KIF1B: variants seen among roughly 807,000 people sequenced by gnomAD.
The protein encoded by KIF1B is kinesin family member 1B, also known as kinesin-like protein KIF1B.
KIF1B carries 76 observed loss-of-function variants against 241.9 expected under a neutral mutation model. The observed-to-expected ratio is 0.31, with a 90% confidence interval of 0.26 to 0.38. The LOEUF (loss-of-function observed/expected upper bound fraction) is 0.38, where lower values mean the gene tolerates loss of function less well. KIF1B is among the 10% of genes least tolerant of loss of function. The probability of loss-of-function intolerance (pLI) is 1.00; values close to 1 mark genes in which losing one functional copy is unlikely to be tolerated. For missense variants in KIF1B, 1,622 were observed against 2,271.4 expected (o/e 0.71, Z 5.81); for synonymous variants, 750 against 796.7 (o/e 0.94, Z 0.99).
In KIF1B at chr1:10,368,415, C is replaced by T. The variant is rs1569915826; in HGVS notation, c.4753-52C>T. On this transcript the variant is annotated intron_variant, in intron 43 of 48. Coordinates refer to ENST00000676179, the MANE Select transcript of KIF1B (RefSeq NM_001365951.3). ...CCACGTGGTCAGCTATCCCAAGGCT[C>T]CTGGCTGTTGACATTTTATGTTCAG... 7.9e-6 allele frequency: 12 copies of T among 1,518,994 alleles called. No homozygotes were observed. The East Asian group carries it at 2.7e-4, about 34-fold the overall frequency. 94.1% of individuals were successfully genotyped at this position (1,518,994 alleles called of 1,614,324 possible). A position where few individuals can be genotyped will look rare whatever the true frequency, so the allele number is the denominator to read the frequency against.
intron 22 of KIF1B, chr1:10,304,920 T>A (rs746573934): frequency 9.9e-6 from 13 of 1,308,158 alleles, no homozygotes; most frequent in Non-Finnish European, 1.3e-5. Flanking sequence ...ATTAATATAC[T>A]TACTTACACA....
At chr1:10,356,108 C>T (rs1435963458) in intron 38 of KIF1B, among the ~76,000 whole-genome samples, 4 of 152,192 alleles carry the variant, frequency 2.6e-5, no homozygotes, top group Admixed American at 2.6e-4. Flanking sequence ...TGGCTCACAC[C>T]TGTAATCCCA....
rs1414554561 is a variant in KIF1B at position 10,321,709 on chromosome 1, T to A, written c.2210T>A (p.Val737Asp). The A allele has an allele frequency of 6.2e-7, 1 of 1,613,938 alleles. No homozygotes were observed. The highest frequency in any genetic ancestry group is 8.5e-7 in the Non-Finnish European group (1 of 1,179,892). ...TTEEEEEEEEVPWTQHEFELA... is the reference protein window; with the variant it reads ...TTEEEEEEEEDPWTQHEFELA... Reference sequence around the variant, plus strand: ...AAATATGCATCATTCATTCTTTCAGTTCCTTGGACACAGCATGAATTTGAG... The same window carrying A: ...AAATATGCATCATTCATTCTTTCAGATCCTTGGACACAGCATGAATTTGAG... Residue 737 changes from valine to aspartate, a missense_variant and splice_region_variant, in exon 24 of 49, where the codon GTT becomes GAT. By Grantham distance (152) the Val-to-Asp change is radical. Transcript: ENST00000676179.
intron 2 of KIF1B, among the ~76,000 whole-genome samples, chr1:10,242,100 A>G (rs1372418556): frequency 6.6e-6 from 1 of 152,228 alleles, no homozygotes; most frequent in East Asian, 1.9e-4. Flanking sequence ...ATACGAAGTT[A>G]GGTTTTTGAG....
At chr1:10,283,206 CAAAAAA>C (rs33994771) in intron 15 of KIF1B, among the ~76,000 whole-genome samples, 2,113 of 61,588 alleles carry the variant, frequency 0.034, 22 homozygotes, top group Non-Finnish European at 0.052. Flanking sequence ...GACTCCGTCT[CAAAAAA>C]AAAAAAAAAA....
At chr1:10,361,856 GTGTT>G in intron 40 of KIF1B, 31 bp downstream of exon 40, 1 of 1,611,332 alleles carries the variant, frequency 6.2e-7, no homozygotes, top group Non-Finnish European at 8.5e-7. Flanking sequence ...AGCTTCCAGT[GTGTT>G]TGTTCAGTAC....
At chr1:10,269,971 G>A (rs983929424) in intron 7 of KIF1B, among the ~76,000 whole-genome samples, 2 of 151,988 alleles carry the variant, frequency 1.3e-5, no homozygotes, top group South Asian at 2.1e-4. Context: ...CCATGATGTC[G>A]AATCTACAAA....
intron 2 of KIF1B, among the ~76,000 whole-genome samples, chr1:10,251,432 A>G (rs1647439605): frequency 6.6e-6 from 1 of 151,712 alleles, no homozygotes; most frequent in African/African-American, 2.4e-5. Flanking sequence ...GCTGAGTGAA[A>G]TATGGCTTAA....
chr1:10,350,436 T>C (rs1380654355), intron 37 of KIF1B, among the ~76,000 whole-genome samples: 1 of 151,098 alleles, frequency 6.6e-6, no homozygotes, highest in Non-Finnish European at 1.5e-5. Context: ...GGTGGGCGCC[T>C]GTAGTCCCAA....
chr1:10,256,970 C>T (rs1050036817), intron 3 of KIF1B, among the ~76,000 whole-genome samples: 1 of 151,962 alleles, frequency 6.6e-6, no homozygotes, highest in Non-Finnish European at 1.5e-5. Context: ...TGTTTGCCTC[C>T]CAAAGTGCTG....
Position 10,217,855 on chromosome 1 carries a change from A to G in KIF1B, c.-80+6977A>G, listed in dbSNP as rs148093589. 7.4e-4 allele frequency among the ~76,000 whole-genome samples: 112 copies of G among 152,056 alleles called. 1 individual carries two copies. The East Asian group carries it at 0.019, about 25-fold the overall frequency. On this transcript the variant is annotated intron_variant, in intron 1 of 48. Coordinates refer to ENST00000676179, the MANE Select transcript of KIF1B (RefSeq NM_001365951.3). ...CTCTATACCTGATTTATTAATTTTA[A>G]TGTCCTCCCTCTCCCTACTAGAATG...
rs527767839 is a variant in KIF1B, at chr1:10,341,218, A to C, written c.3514-832A>C. Among the ~76,000 whole-genome samples the C allele has an allele frequency of 2.0e-5, 3 of 152,380 alleles. 1 individual carries two copies. In the South Asian group the frequency reaches 6.2e-4, roughly 32 times the overall value. On this transcript the variant is annotated intron_variant, in intron 32 of 48. Transcript: ENST00000676179. ...TCACTAAATGCAGTGGGAGTGGAGAAAGGGAAAGTTATTTCTATTAATGGA... is the reference window on the plus strand; with the variant it reads ...TCACTAAATGCAGTGGGAGTGGAGACAGGGAAAGTTATTTCTATTAATGGA...
At chr1:10,298,584 G>A (rs1557697242) in intron 22 of KIF1B, among the ~76,000 whole-genome samples, 2 of 152,160 alleles carry the variant, frequency 1.3e-5, no homozygotes. Context: ...TAGCTACAAT[G>A]TGATTAGTGG....
chr1:10,291,183 A>C, intron 16 of KIF1B, 22 bp downstream of exon 16: 1 of 1,533,958 alleles, frequency 6.5e-7, no homozygotes, highest in Non-Finnish European at 9.0e-7. Flanking sequence ...AAAATCTGGA[A>C]ATGTTTCTAA....
At chr1:10,364,932 G>A (rs1240460711) in intron 41 of KIF1B, among the ~76,000 whole-genome samples, 168 bp from the exon 42 acceptor site, 1 of 151,384 alleles carries the variant, frequency 6.6e-6, no homozygotes, top group African/African-American at 2.4e-5. Context: ...CATGAACCCA[G>A]GAGGCGGAGC....
At chr1:10,227,892 A>G (rs1441082718) in intron 1 of KIF1B, 1 of 154,532 alleles carries the variant, frequency 6.5e-6, no homozygotes, top group African/African-American at 2.4e-5. Context: ...TTCTGTAAAG[A>G]ACTTACCCTC....
At chr1:10,216,834 C>T (rs1646772963) in intron 1 of KIF1B, among the ~76,000 whole-genome samples, 1 of 151,986 alleles carries the variant, frequency 6.6e-6, no homozygotes. Context: ...TTCTTCTGTT[C>T]TTTCCCCCAG....
At chr1:10,283,935 T>G (rs1649559902) in intron 15 of KIF1B, among the ~76,000 whole-genome samples, 1 of 152,242 alleles carries the variant, frequency 6.6e-6, no homozygotes, top group Non-Finnish European at 1.5e-5. Context: ...AACACTAAAG[T>G]GAATTAAGCT....
chr1:10,259,329 A>G (rs1647979309), intron 4 of KIF1B, among the ~76,000 whole-genome samples: 1 of 151,718 alleles, frequency 6.6e-6, no homozygotes, highest in Non-Finnish European at 1.5e-5. Context: ...TTACTTATTT[A>G]TTTGAGACAG....
Sources: allele counts gnomAD v4.1 joint callset (sites outside exome capture counted in the v4.1 genomes callset), GRCh38; gene constraint gnomAD v4.1.1; transcripts MANE v1.5; gene names NCBI Gene and HGNC (gene_info 2026-07-23, HGNC 2026-07-21).